Variants in DLC1 observed in about 807,000 individuals in gnomAD.
The protein encoded by DLC1 is DLC1 Rho GTPase activating protein, also known as rho GTPase-activating protein 7.
In DLC1, 54 loss-of-function variants were observed where a neutral mutation model predicts 140.3. The ratio of observed to expected loss-of-function variants is 0.38; its 90% CI spans 0.31 to 0.48. DLC1 has a LOEUF of 0.48. Among genes scored for constraint, DLC1 ranks in the 20% least tolerant of loss-of-function variants. DLC1 has a pLI of 0.96. For synonymous variants in DLC1, 986 were observed against 728.1 expected, an observed-to-expected ratio of 1.35 and a Z score of -5.70; for missense variants, 2,536 against 1,907.0, an observed-to-expected ratio of 1.33 and a Z score of -6.14.
chr8:13,210,752 A>G (rs1023476732), intron 5 of DLC1, among the ~76,000 whole-genome samples: 2 of 152,198 alleles, frequency 1.3e-5, no homozygotes, highest in East Asian at 1.9e-4. Flanking sequence ...AGTTAAATAC[A>G]TACTTTGACA....
chr8:13,424,460 G>A (rs545578647), intron 2 of DLC1, among the ~76,000 whole-genome samples: 6 of 152,044 alleles, frequency 3.9e-5, no homozygotes, highest in African/African-American at 1.4e-4. Flanking sequence ...CTTCACTCCA[G>A]CCTGGGCGAC....
At chr8:13,579,575 A>G (rs1459685059) in intron 1 of DLC1, among the ~76,000 whole-genome samples, 20 of 130,248 alleles carry the variant, frequency 1.5e-4, no homozygotes, top group African/African-American at 5.3e-4. Context: ...TATATTTAAT[A>G]TATTATATTT....
intron 1 of DLC1, among the ~76,000 whole-genome samples, chr8:13,506,593 A>G (rs868435749): frequency 0.037 from 4,943 of 133,294 alleles, 225 homozygotes; most frequent in African/African-American, 0.042. Flanking sequence ...ATATATATAT[A>G]TATATATATA....
Position 13,088,650 on chromosome 8 carries a change from C to T in DLC1, c.4129G>A (p.Val1377Met). Residue 1377 changes from valine to methionine, a missense_variant, in exon 16 of 18, where the codon GTG becomes ATG. Coordinates refer to ENST00000276297, the MANE Select transcript of DLC1 (RefSeq NM_182643.3). ...LWRSVIEVPA[V>M]PEEILKRLLK... Reference sequence around the variant, plus strand: ...AGGCGCTTTAAGATTTCCTCTGGCACAGCAGGGACTTCAATGACTGACCTC... The same window carrying T: ...AGGCGCTTTAAGATTTCCTCTGGCATAGCAGGGACTTCAATGACTGACCTC... 2 of 1,614,142 alleles carry T rather than the reference C, an allele frequency of 1.2e-6. No individual in the cohort carries two copies. Among genetic ancestry groups the T allele is most frequent in the Non-Finnish European group, 1.7e-6 (2 of 1,180,026 alleles).
chr8:13,462,669 G>T (rs1415583634), intron 2 of DLC1, among the ~76,000 whole-genome samples: 1 of 152,152 alleles, frequency 6.6e-6, no homozygotes, highest in Non-Finnish European at 1.5e-5. Context: ...GTCTCCCAAA[G>T]TGCTGGGATT....
rs563377687 is a variant in DLC1, at chr8:13,103,138, G to A, written c.1503-285C>T. 1.4e-3 allele frequency among the ~76,000 whole-genome samples: 211 copies of A among 151,624 alleles called. 1 individual carries two copies. The highest frequency in any genetic ancestry group is 4.9e-3 in the African/African-American group (203 of 41,346). ...ATCCTGGCTAACACGGTGAAACCCC[G>A]TCTCTACTAAAAATACAAAAAAACA... On this transcript the variant is annotated intron_variant, in intron 7 of 17. Transcript: ENST00000276297.
At chr8:13,318,146 G>C (rs927702590) in intron 4 of DLC1, among the ~76,000 whole-genome samples, 5 of 151,838 alleles carry the variant, frequency 3.3e-5, no homozygotes, top group Admixed American at 3.3e-4. Flanking sequence ...TCTTGCCTCA[G>C]TCTCCTGAGT....
chr8:13,103,142 C>G (rs1200642362), intron 7 of DLC1, among the ~76,000 whole-genome samples: 1 of 151,794 alleles, frequency 6.6e-6, no homozygotes, highest in Admixed American at 6.6e-5. Flanking sequence ...AACCCCGTCT[C>G]TACTAAAAAT....
chr8:13,401,717 T>G, intron 2 of DLC1, 98 bp from the exon 3 acceptor site: 2 of 1,435,266 alleles, frequency 1.4e-6, no homozygotes, highest in Non-Finnish European at 1.9e-6. Context: ...GTACACTGGA[T>G]AATAGGCAGT....
chr8:13,157,353 G>C (rs1406924903), intron 5 of DLC1, among the ~76,000 whole-genome samples: 3 of 152,184 alleles, frequency 2.0e-5, no homozygotes, highest in South Asian at 4.1e-4. Flanking sequence ...AGCCTTGAAG[G>C]AGTTTGGGAA....
upstream of DLC1, chr8:13,514,919 G>T: frequency 6.2e-6 from 2 of 324,284 alleles, no homozygotes; most frequent in Non-Finnish European, 1.1e-5. Context: ...TGCCTCTGAG[G>T]AGTGTGCATG....
At chr8:13,206,675 C>T (rs764111498) in intron 5 of DLC1, among the ~76,000 whole-genome samples, 9 of 151,832 alleles carry the variant, frequency 5.9e-5, no homozygotes, top group Non-Finnish European at 1.2e-4. Context: ...TAAAAGTGCA[C>T]AAAATGCTAT....
At chr8:13,374,390 T>C (rs1835870643) in intron 4 of DLC1, among the ~76,000 whole-genome samples, 1 of 152,208 alleles carries the variant, frequency 6.6e-6, no homozygotes. Flanking sequence ...GCATTGCACC[T>C]GGTGAGGGCC....
At chr8:13,515,335 C>T (rs976218263), upstream of DLC1, 4 of 152,170 alleles carry the variant, frequency 2.6e-5, no homozygotes, top group Non-Finnish European at 4.4e-5. Flanking sequence ...GTCCCTGAGA[C>T]CATCTGTAAG....
At chr8:13,384,325 G>A (rs1395286418) in intron 4 of DLC1, among the ~76,000 whole-genome samples, 1 of 136,958 alleles carries the variant, frequency 7.3e-6, no homozygotes, top group African/African-American at 2.6e-5. Flanking sequence ...ATCTTCCCTC[G>A]ATGCAGGTAG....
chr8:13,379,002 C>T (rs914324589), intron 4 of DLC1, among the ~76,000 whole-genome samples: 1 of 152,114 alleles, frequency 6.6e-6, no homozygotes, highest in African/African-American at 2.4e-5. Flanking sequence ...GTTTTTGCCT[C>T]AAGCTTTTAA....
At chr8:13,119,226 TAAAAAAAAA>T (rs757073542) in intron 5 of DLC1, among the ~76,000 whole-genome samples, 1 of 119,712 alleles carries the variant, frequency 8.4e-6, no homozygotes, top group Non-Finnish European at 1.7e-5. Context: ...AGACCCTGTC[TAAAAAAAAA>T]AAAAAAAAAA....
chr8:13,097,804 C>T (rs572645501), intron 10 of DLC1, among the ~76,000 whole-genome samples: 34 of 152,152 alleles, frequency 2.2e-4, no homozygotes, highest in African/African-American at 3.4e-4. Flanking sequence ...ATCTGTCACT[C>T]AAAGAGCTGA....
At chr8:13,428,763 T>C (rs1838722156) in intron 2 of DLC1, among the ~76,000 whole-genome samples, 1 of 152,184 alleles carries the variant, frequency 6.6e-6, no homozygotes. Flanking sequence ...TGGAACTACA[T>C]GCTTGCTGTG....
Sources: allele counts gnomAD v4.1 joint callset (sites outside exome capture counted in the v4.1 genomes callset), GRCh38; gene constraint gnomAD v4.1.1; transcripts MANE v1.5; gene names NCBI Gene and HGNC (gene_info 2026-07-23, HGNC 2026-07-21).